CSTA: variants seen among roughly 807,000 people sequenced by gnomAD.
CSTA encodes cystatin-A.
In CSTA, 9 loss-of-function variants were observed where a neutral mutation model predicts 9.2. That is an observed-to-expected ratio of 0.97 (90% CI 0.59 to 1.70). The LOEUF is 1.70. Ranked by LOEUF, CSTA falls within the 40% of genes most tolerant of loss-of-function variation. CSTA has a pLI of 0.00. For missense variants in CSTA, 118 were observed against 113.1 expected, an observed-to-expected ratio of 1.04 and a Z score of -0.20; for synonymous variants, 36 against 40.6, an observed-to-expected ratio of 0.89 and a Z score of 0.43.
At chr3:122,328,802 G>A (rs1428329105) in intron 1 of CSTA, among the ~76,000 whole-genome samples, 1 of 151,074 alleles carries the variant, frequency 6.6e-6, no homozygotes, top group Non-Finnish European at 1.5e-5. Context: ...TTAGCTGGGC[G>A]TGGTGACGGG....
At chr3:122,332,049 G>A (rs2075207867) in intron 1 of CSTA, among the ~76,000 whole-genome samples, 1 of 152,192 alleles carries the variant, frequency 6.6e-6, no homozygotes, top group South Asian at 2.1e-4. Context: ...CTGACAGGAG[G>A]CGGAGCTCAG....
intron 1 of CSTA, among the ~76,000 whole-genome samples, chr3:122,336,796 T>C (rs2075239284): frequency 6.6e-6 from 1 of 152,244 alleles, no homozygotes; most frequent in Non-Finnish European, 1.5e-5. Context: ...AGGATGCACT[T>C]AAGCACAACA....
At position 122,341,842 on chromosome 3, in the gene CSTA, A is replaced by T. The variant is rs1423029111; in HGVS notation, c.*275A>T. 2 of 398,856 alleles carry T rather than the reference A, an allele frequency of 5.0e-6. No homozygotes were observed. The highest frequency in any genetic ancestry group is 9.3e-6 in the Non-Finnish European group (2 of 214,094). The allele number at this position is 398,856 out of a possible 1,614,324, so 24.7% of individuals were successfully genotyped here. On this transcript the variant is annotated 3_prime_UTR_variant, in exon 3 of 3. Transcript: ENST00000264474. The stretch of plus-strand genomic sequence containing the variant: ...CTGGCTAAAGGATAGTACCACCCTC[A>T]CCCCCACCATAGGCAGGCTGGATCG...
At chr3:122,328,757 T>G (rs925960077) in intron 1 of CSTA, among the ~76,000 whole-genome samples, 1 of 151,364 alleles carries the variant, frequency 6.6e-6, no homozygotes, top group African/African-American at 2.4e-5. Context: ...CCAACATAGC[T>G]TTCTACTTTC....
intron 1 of CSTA, among the ~76,000 whole-genome samples, chr3:122,331,010 G>T (rs1263076054): frequency 6.6e-6 from 1 of 151,942 alleles, no homozygotes; most frequent in Non-Finnish European, 1.5e-5. Context: ...ATTTTGATGA[G>T]AATTGTGAGC....
intron 1 of CSTA, among the ~76,000 whole-genome samples, chr3:122,332,122 T>C (rs1559981170): frequency 1.3e-5 from 2 of 152,200 alleles, no homozygotes; most frequent in Non-Finnish European, 2.9e-5. Context: ...TAACAGGCCA[T>C]GGATGGGTAC....
At chr3:122,327,024 G>C (rs1559979723) in intron 1 of CSTA, among the ~76,000 whole-genome samples, 1 of 152,070 alleles carries the variant, frequency 6.6e-6, no homozygotes, top group African/African-American at 2.4e-5. Context: ...TGGATCACAA[G>C]GTCAGCAGTT....
At position 122,341,606 on chromosome 3, in the gene CSTA, T is replaced by A. The variant is rs370439004; in HGVS notation, c.*39T>A. 273 of 1,612,954 alleles carry A rather than the reference T, an allele frequency of 1.7e-4. No homozygotes were observed. Among genetic ancestry groups the A allele is most frequent in the Middle Eastern group, 3.3e-4 (2 of 6,052 alleles). ...AAGTGTTCTGATTCCTTCAACTGGC[T>A]ACTGAGTCATGATCCTTGCTGATAA... On this transcript the variant is annotated 3_prime_UTR_variant, in exon 3 of 3. Coordinates refer to ENST00000264474, the MANE Select transcript of CSTA (RefSeq NM_005213.4).
intron 1 of CSTA, among the ~76,000 whole-genome samples, chr3:122,329,424 A>T (rs1283717607): frequency 6.6e-6 from 1 of 152,052 alleles, no homozygotes; most frequent in Non-Finnish European, 1.5e-5. Flanking sequence ...ACAAAAAAAT[A>T]GCCAGGTAGT....
intron 1 of CSTA, among the ~76,000 whole-genome samples, chr3:122,328,733 C>A (rs2075184769): frequency 6.6e-6 from 1 of 151,576 alleles, no homozygotes; most frequent in Admixed American, 6.6e-5. Flanking sequence ...GTCAAGAGTT[C>A]AAGACCAGCC....
chr3:122,329,029 G>A (rs146375625), intron 1 of CSTA, among the ~76,000 whole-genome samples: 11,987 of 150,740 alleles, frequency 0.08, 772 homozygotes, highest in African/African-American at 0.17. Context: ...GCGGTGGCAC[G>A]GTCTCGGCTC....
At chr3:122,330,291 T>TTATCAA (rs1289408003) in intron 1 of CSTA, among the ~76,000 whole-genome samples, 1 of 152,232 alleles carries the variant, frequency 6.6e-6, no homozygotes, top group African/African-American at 2.4e-5. Context: ...TCAGAGGAGC[T>TTATCAA]GAAGTTTATC....
downstream of CSTA, chr3:122,341,969 AG>A: frequency 5.1e-6 from 1 of 197,824 alleles, no homozygotes; most frequent in South Asian, 7.5e-5. Context: ...TATTTTACAA[AG>A]TGTGTGTGTG....
At chr3:122,326,790 C>A (rs1293786993) in intron 1 of CSTA, among the ~76,000 whole-genome samples, 1 of 152,180 alleles carries the variant, frequency 6.6e-6, no homozygotes, top group African/African-American at 2.4e-5. Context: ...CTTGATAAAC[C>A]TTAGATTCTG....
intron 1 of CSTA, among the ~76,000 whole-genome samples, chr3:122,334,290 G>T (rs1414387119): frequency 6.6e-6 from 1 of 152,264 alleles, no homozygotes; most frequent in Middle Eastern, 3.4e-3. Flanking sequence ...GAAATGGTCT[G>T]AGAACTCACA....
At chr3:122,329,120 C>T (rs1017972544) in intron 1 of CSTA, among the ~76,000 whole-genome samples, 2 of 151,416 alleles carry the variant, frequency 1.3e-5, no homozygotes, top group African/African-American at 4.8e-5. Flanking sequence ...CGCCCGCCAC[C>T]ATGCCTGGCT....
chr3:122,335,266 GGAACCTGT>G (rs2075230039), intron 1 of CSTA, among the ~76,000 whole-genome samples: 1 of 152,104 alleles, frequency 6.6e-6, no homozygotes, highest in Non-Finnish European at 1.5e-5. Context: ...CCTAATCCCT[GGAACCTGT>G]GACTAGGTTC....
chr3:122,333,627 GGAAA>G (rs1419671204), intron 1 of CSTA, among the ~76,000 whole-genome samples: 1 of 137,104 alleles, frequency 7.3e-6, no homozygotes, highest in East Asian at 2.1e-4. Context: ...GAAAAGGAAA[GGAAA>G]GGAAGGAAGG....
chr3:122,329,522 C>T (rs757103911), intron 1 of CSTA, among the ~76,000 whole-genome samples: 10 of 151,844 alleles, frequency 6.6e-5, no homozygotes, highest in Non-Finnish European at 1.2e-4. Flanking sequence ...GCCATGATCA[C>T]GCCACTGCAC....
Sources: gnomAD v4.1 joint callset for allele counts (sites outside exome capture counted in the v4.1 genomes callset) on GRCh38, gnomAD v4.1.1 for gene constraint, MANE v1.5 for transcripts, NCBI Gene and HGNC (gene_info 2026-07-23, HGNC 2026-07-21) for gene names.